RCC1L: variants seen among roughly 807,000 people sequenced by gnomAD.
The protein encoded by RCC1L is RCC1-like G exchanging factor-like protein.
RCC1L carries 46 observed loss-of-function variants against 58.6 expected under a neutral mutation model. The observed-to-expected ratio is 0.79, with a 90% CI of 0.62 to 1.00. RCC1L has a LOEUF of 1.00. Among genes scored for constraint, RCC1L ranks in the 50% least tolerant of loss-of-function variants. The probability of loss-of-function intolerance (pLI) is 0.00; values close to 1 mark genes in which losing one functional copy is unlikely to be tolerated. For missense variants in RCC1L, 636 were observed against 623.6 expected (o/e 1.02, Z -0.21); for synonymous variants, 281 against 262.9 (o/e 1.07, Z -0.67).
rs1044072862 is a variant in RCC1L, at chr7:75,052,099, A to T, written c.1317+612T>A. Among the ~76,000 whole-genome samples, 4 of 152,274 alleles carry T rather than the reference A, an allele frequency of 2.6e-5. No individual in the cohort carries two copies. The South Asian group carries it at 6.2e-4, about 24-fold the overall frequency. The stretch of plus-strand genomic sequence containing the variant: ...AGCGTCTCTTCCCCTGTAATTCTGG[A>T]AGGAGCCTTTTTGTCTAATTGCATA... On this transcript the variant is annotated intron_variant, in intron 10 of 10. Transcript: ENST00000610322.
At chr7:75,030,754 G>A (rs1338943125) in intron 10 of RCC1L, among the ~76,000 whole-genome samples, 2 of 152,142 alleles carry the variant, frequency 1.3e-5, no homozygotes, top group Non-Finnish European at 2.9e-5. Flanking sequence ...GAATTCACAC[G>A]CCGTTGCCTC....
intron 9 of RCC1L, among the ~76,000 whole-genome samples, chr7:75,053,264 T>G (rs1416387863): frequency 8.5e-6 from 1 of 117,010 alleles, no homozygotes; most frequent in African/African-American, 3.3e-5. Context: ...CTGGGGGTGG[T>G]GCATGGAGCT....
chr7:75,058,392 C>A lies in RCC1L; in HGVS notation c.969+196G>T, dbSNP rs1478085372. Among the ~76,000 whole-genome samples the A allele has an allele frequency of 2.0e-5, 3 of 151,540 alleles. No homozygotes were observed. The East Asian group carries it at 5.9e-4, about 30-fold the overall frequency. The stretch of plus-strand genomic sequence containing the variant: ...TACAGGCATGCACCACCACACCTGG[C>A]TAATTTTTGTATTTTTTTGGTAGAG... On this transcript the variant is annotated intron_variant, in intron 7 of 10. Coordinates refer to ENST00000610322, the MANE Select transcript of RCC1L (RefSeq NM_030798.5).
At chr7:75,044,074 G>A (rs1301563655) in intron 10 of RCC1L, among the ~76,000 whole-genome samples, 1 of 152,144 alleles carries the variant, frequency 6.6e-6, no homozygotes, top group Non-Finnish European at 1.5e-5. Context: ...GCAAGAAGAT[G>A]GCCTCACTGA....
chr7:75,034,495 G>A (rs1177001301), intron 10 of RCC1L, among the ~76,000 whole-genome samples: 3 of 152,166 alleles, frequency 2.0e-5, no homozygotes, highest in South Asian at 2.1e-4. Flanking sequence ...CAGCCTGGGC[G>A]ACAGAGCGAG....
rs1805369922 is a variant in RCC1L at position 75,033,722 on chromosome 7, G to A, written c.1318-5643C>T. Among the ~76,000 whole-genome samples the A allele has an allele frequency of 2.6e-5, 4 of 151,598 alleles. No homozygotes were observed. The Admixed American group carries it at 2.6e-4, about 10-fold the overall frequency. On this transcript the variant is annotated intron_variant, in intron 10 of 10. Transcript: ENST00000614461. ...AAAAAAAAAAAAATTAGCCGGGTGTGGTGGTGCATACCTGTAATCCCAACT... is the reference window on the plus strand; with the variant it reads ...AAAAAAAAAAAAATTAGCCGGGTGTAGTGGTGCATACCTGTAATCCCAACT...
At position 75,050,930 on chromosome 7, in the gene RCC1L, T is replaced by C. The variant is rs587682903; in HGVS notation, c.1317+1781A>G. On this transcript the variant is annotated intron_variant, in intron 10 of 10. Coordinates refer to ENST00000610322, the MANE Select transcript of RCC1L (RefSeq NM_030798.5). ...AACATAGTGAGACTCCCATCTCTAC[T>C]AAAAATAAAAAAATTTGTCAGGTGT... Among the ~76,000 whole-genome samples the C allele has an allele frequency of 2.2e-3, 330 of 152,028 alleles. 1 individual carries two copies. The Middle Eastern group carries it at 0.034, about 16-fold the overall frequency.
chr7:75,028,084 CG>C, intron 10 of RCC1L: 1 of 1,511,552 alleles, frequency 6.6e-7, no homozygotes, highest in African/African-American at 1.4e-5. Context: ...AGGTGCCTGG[CG>C]GGGGAGGAAG....
At chr7:75,070,381 G>C (rs781793751) in intron 2 of RCC1L, among the ~76,000 whole-genome samples, 3 of 152,080 alleles carry the variant, frequency 2.0e-5, no homozygotes, top group African/African-American at 7.2e-5. Context: ...GACCAGCCTG[G>C]TGAACATAGT....
intron 3 of RCC1L, among the ~76,000 whole-genome samples, chr7:75,064,894 A>G (rs1177225204): frequency 6.6e-6 from 1 of 152,138 alleles, no homozygotes; most frequent in Non-Finnish European, 1.5e-5. Flanking sequence ...TTCTGAGGCT[A>G]GAACCGGACT....
exon 11 of RCC1L, chr7:75,027,589 G>C (rs975622661): frequency 5.5e-6 from 1 of 182,450 alleles, no homozygotes; most frequent in African/African-American, 2.4e-5. Flanking sequence ...GACTGGCCTC[G>C]TGTCATGGAG....
At chr7:75,072,583 GT>G (rs1161128336) in intron 1 of RCC1L, among the ~76,000 whole-genome samples, 40 of 152,212 alleles carry the variant, frequency 2.6e-4, no homozygotes, top group African/African-American at 9.1e-4. Flanking sequence ...TTTGTTGGGT[GT>G]TTTAACTACA....
chr7:75,032,377 A>G (rs1404142141), intron 10 of RCC1L, among the ~76,000 whole-genome samples: 2 of 152,142 alleles, frequency 1.3e-5, no homozygotes, highest in East Asian at 1.9e-4. Context: ...AGAAGCTGAT[A>G]CCTCCAGATT....
downstream of RCC1L, among the ~76,000 whole-genome samples, chr7:75,039,939 G>A (rs998226748): frequency 2.0e-5 from 3 of 152,146 alleles, no homozygotes; most frequent in Non-Finnish European, 4.4e-5. Flanking sequence ...GGGGTTGGGG[G>A]AGGGGCGGCA....
At chr7:75,040,968 A>G (rs1266594558), downstream of RCC1L, among the ~76,000 whole-genome samples, 1 of 152,114 alleles carries the variant, frequency 6.6e-6, no homozygotes, top group Non-Finnish European at 1.5e-5. Context: ...CTGTAATCCC[A>G]GCACTTTGGG....
At chr7:75,052,149 T>C (rs1466711382) in intron 10 of RCC1L, among the ~76,000 whole-genome samples, 1 of 152,222 alleles carries the variant, frequency 6.6e-6, no homozygotes, top group Non-Finnish European at 1.5e-5. Flanking sequence ...GAAGCGACTT[T>C]ATTTTTTCAC....
At chr7:75,053,658 C>T (rs2131989453) in intron 9 of RCC1L, among the ~76,000 whole-genome samples, 1 of 152,270 alleles carries the variant, frequency 6.6e-6, no homozygotes, top group African/African-American at 2.4e-5. Flanking sequence ...CAGGAGATGG[C>T]CTCTCCTAGC....
chr7:75,056,162 T>C (rs1194210667), intron 8 of RCC1L, 88 bp from the exon 9 acceptor site: 1 of 1,500,862 alleles, frequency 6.7e-7, no homozygotes, highest in Admixed American at 1.7e-5. Flanking sequence ...CCAAGGTTTA[T>C]GACATCCACA....
At chr7:75,052,893 T>A in intron 9 of RCC1L, 97 bp from the exon 10 acceptor site, 1 of 1,103,400 alleles carries the variant, frequency 9.1e-7, no homozygotes, top group African/African-American at 1.5e-5. Flanking sequence ...TAGAACCAGA[T>A]ACCTACAGAG....
Sources: allele counts gnomAD v4.1 joint callset (sites outside exome capture counted in the v4.1 genomes callset), GRCh38; gene constraint gnomAD v4.1.1; transcripts MANE v1.5; gene names NCBI Gene and HGNC (gene_info 2026-07-23, HGNC 2026-07-21).